The following RAB8B variants were observed in gnomAD, a reference collection of about 807,000 sequenced individuals.
RAB8B encodes RAB8B, member RAS oncogene family, also known as ras-related protein Rab-8B.
RAB8B carries 11 observed loss-of-function variants against 32.0 expected under a neutral mutation model. That is an observed-to-expected ratio of 0.34 (90% CI 0.22 to 0.57). RAB8B has a LOEUF of 0.57. Among genes scored for constraint, RAB8B ranks in the 20% least tolerant of loss-of-function variants. RAB8B has a pLI of 0.86. For missense variants in RAB8B, 190 were observed against 258.5 expected (o/e 0.73, Z 1.82); for synonymous variants, 103 against 89.6 (o/e 1.15, Z -0.85).
At chr15:63,255,977 AC>A (rs1270982869) in intron 4 of RAB8B, among the ~76,000 whole-genome samples, 2 of 152,152 alleles carry the variant, frequency 1.3e-5, no homozygotes, top group East Asian at 3.8e-4. Context: ...TTATCTCTTT[AC>A]CTTGGCAACT....
intron 1 of RAB8B, among the ~76,000 whole-genome samples, chr15:63,228,142 A>C (rs980962726): frequency 2.0e-5 from 3 of 152,048 alleles, no homozygotes; most frequent in African/African-American, 7.2e-5. Flanking sequence ...TTAGCCTCCT[A>C]AGTAGTTGGG....
chr15:63,205,722 T>C (rs143052407), intron 1 of RAB8B, among the ~76,000 whole-genome samples: 3 of 152,370 alleles, frequency 2.0e-5, no homozygotes, highest in African/African-American at 4.8e-5. Flanking sequence ...AGAGTTCATT[T>C]TGAAGTTTAA....
chr15:63,243,664 G>T (rs896334709), intron 1 of RAB8B, among the ~76,000 whole-genome samples: 4 of 152,022 alleles, frequency 2.6e-5, no homozygotes, highest in African/African-American at 9.7e-5. Context: ...TCCCATCCTT[G>T]ACTAATTAAG....
intron 1 of RAB8B, among the ~76,000 whole-genome samples, chr15:63,236,729 A>G (rs1382096943): frequency 6.6e-6 from 1 of 152,208 alleles, no homozygotes; most frequent in African/African-American, 2.4e-5. Flanking sequence ...AGTATCCATC[A>G]CCTCAAGCAT....
intron 1 of RAB8B, among the ~76,000 whole-genome samples, chr15:63,200,534 T>G (rs1433577377): frequency 6.6e-6 from 1 of 151,804 alleles, no homozygotes; most frequent in Non-Finnish European, 1.5e-5. Flanking sequence ...ACGCATGCAA[T>G]CCCAGCACTT....
chr15:63,219,033 T>TTTTTTA (rs2037819396), intron 1 of RAB8B, among the ~76,000 whole-genome samples: 1 of 131,862 alleles, frequency 7.6e-6, no homozygotes, highest in African/African-American at 2.9e-5. Flanking sequence ...TTTTTTTTTT[T>TTTTTTA]AGAAGGAAAG....
chr15:63,256,445 T>A (rs767993288), intron 4 of RAB8B, 60 bp from the exon 5 acceptor site: 12 of 1,213,868 alleles, frequency 9.9e-6, no homozygotes, highest in Non-Finnish European at 1.4e-5. Flanking sequence ...GTTGGATTTG[T>A]CTATTAAGTA....
chr15:63,233,509 T>G (rs1373589768), intron 1 of RAB8B, among the ~76,000 whole-genome samples: 1 of 152,220 alleles, frequency 6.6e-6, no homozygotes, highest in East Asian at 1.9e-4. Flanking sequence ...TTTCAACTAA[T>G]TATCCTAAAA....
At chr15:63,193,501 C>T (rs2037575363) in intron 1 of RAB8B, among the ~76,000 whole-genome samples, 1 of 152,082 alleles carries the variant, frequency 6.6e-6, no homozygotes, top group Admixed American at 6.5e-5. Flanking sequence ...CTCTAAAAAC[C>T]CTTATGTAAT....
At chr15:63,236,700 A>T (rs929001495) in intron 1 of RAB8B, among the ~76,000 whole-genome samples, 1 of 152,228 alleles carries the variant, frequency 6.6e-6, no homozygotes, top group Non-Finnish European at 1.5e-5. Flanking sequence ...AGTAATAATA[A>T]TCACATCAGG....
intron 1 of RAB8B, among the ~76,000 whole-genome samples, chr15:63,225,893 T>G (rs1247831448): frequency 6.6e-6 from 1 of 152,128 alleles, no homozygotes; most frequent in African/African-American, 2.4e-5. Context: ...CAGGATGGAG[T>G]GCAGTGGCGT....
At chr15:63,239,407 G>A (rs896132959) in intron 1 of RAB8B, among the ~76,000 whole-genome samples, 29 of 143,846 alleles carry the variant, frequency 2.0e-4, no homozygotes, top group African/African-American at 6.4e-4. Flanking sequence ...AGAAATTTCC[G>A]AAGTTTTTTT....
chr15:63,265,690 T>C lies in RAB8B; in HGVS notation c.*2071T>C, dbSNP rs1447486124. On this transcript the variant is annotated 3_prime_UTR_variant, in exon 8 of 8. Coordinates refer to ENST00000321437, the MANE Select transcript of RAB8B (RefSeq NM_016530.3). The surrounding 1 kb of genome is among the most constrained non-coding windows in gnomAD (Gnocchi z 4.9). ...TGTCTTAACGCTTTGGTTTATATAA[T>C]CTCAGGGGTTGTCTGCAAACCAAAA... 6.6e-6 allele frequency: 1 copy of C among 152,578 alleles called. No individual in the cohort carries two copies. Among genetic ancestry groups the C allele is most frequent in the Non-Finnish European group, 1.5e-5 (1 of 67,978 alleles). 9.5% of individuals were successfully genotyped at this position (152,578 alleles called of 1,614,324 possible).
At chr15:63,235,903 G>A (rs1445077240) in intron 1 of RAB8B, among the ~76,000 whole-genome samples, 1 of 152,058 alleles carries the variant, frequency 6.6e-6, no homozygotes, top group African/African-American at 2.4e-5. Flanking sequence ...GGACGTTTAA[G>A]TTGTTGCCTG....
At chr15:63,228,895 G>A (rs1447627852) in intron 1 of RAB8B, among the ~76,000 whole-genome samples, 1 of 152,204 alleles carries the variant, frequency 6.6e-6, no homozygotes, top group East Asian at 1.9e-4. Context: ...CAAAAATAAT[G>A]AGTAAGTGAA....
At chr15:63,256,460 G>A (rs369406190) in intron 4 of RAB8B, 45 bp from the exon 5 acceptor site, 9 of 1,419,250 alleles carry the variant, frequency 6.3e-6, no homozygotes, top group Non-Finnish European at 8.7e-6. Context: ...TAAGTAACGG[G>A]TTTTTCTCAG....
chr15:63,251,399 G>A (rs1347136964), intron 3 of RAB8B: 7 of 443,360 alleles, frequency 1.6e-5, no homozygotes, highest in African/African-American at 1.4e-4. Flanking sequence ...GCAGTTTTTT[G>A]CATGCTAGGA....
At chr15:63,236,211 A>G (rs1427348450) in intron 1 of RAB8B, among the ~76,000 whole-genome samples, 1 of 152,188 alleles carries the variant, frequency 6.6e-6, no homozygotes, top group Non-Finnish European at 1.5e-5. Context: ...ACCATTTAGC[A>G]TAAGAGTCAA....
chr15:63,222,877 G>A (rs1032960443), intron 1 of RAB8B, among the ~76,000 whole-genome samples: 1 of 151,946 alleles, frequency 6.6e-6, no homozygotes. Flanking sequence ...CATTTCTGTT[G>A]CCTAGTGACA....
Sources: allele counts gnomAD v4.1 joint callset (sites outside exome capture counted in the v4.1 genomes callset), GRCh38; gene constraint gnomAD v4.1.1; non-coding constraint Gnocchi (gnomAD v3.1); transcripts MANE v1.5; gene names NCBI Gene and HGNC (gene_info 2026-07-23, HGNC 2026-07-21).